LINC00632: variants seen among roughly 807,000 people sequenced by gnomAD.
The protein encoded by LINC00632 is long independently transcribed non-coding RNA 632.
rs1053938846 is a variant in LINC00632, at chrX:140,748,815, C to A, written n.191+14851C>A. 6.8e-5 allele frequency among the ~76,000 whole-genome samples: 7 copies of A among 102,526 alleles called. No homozygotes were observed. The South Asian group carries it at 2.1e-3, about 30-fold the overall frequency. The allele number at this position is 102,526 out of a possible 115,157, so 89.0% of individuals were successfully genotyped here. On this transcript the variant is annotated intron_variant and non_coding_transcript_variant, in intron 3 of 4. Transcript: ENST00000648200. ...ATATTTTATATATGATATATTTTATCTATGATATATTTTATCTATGATATA... is the reference window on the plus strand; with the variant it reads ...ATATTTTATATATGATATATTTTATATATGATATATTTTATCTATGATATA...
chrX:140,781,505 T>C (rs1474160506), exon 5 of LINC00632, among the ~76,000 whole-genome samples: 1 of 111,486 alleles, frequency 9.0e-6, no homozygotes, highest in Admixed American at 9.5e-5. Flanking sequence ...TTTGGGCAAT[T>C]GTCCAAACAA....
At chrX:140,775,949 G>T (rs1051378665) in exon 5 of LINC00632, among the ~76,000 whole-genome samples, 1 of 111,081 alleles carries the variant, frequency 9.0e-6, no homozygotes, top group African/African-American at 3.3e-5. Flanking sequence ...AGTTTAAAAG[G>T]GCTTCTGCAC....
chrX:140,744,824 C>T (rs1271892419), intron 3 of LINC00632, among the ~76,000 whole-genome samples: 1 of 110,323 alleles, frequency 9.1e-6, no homozygotes, highest in Non-Finnish European at 1.9e-5. Context: ...TTTCCACCCC[C>T]GCCCCAACCC....
intron 2 of LINC00632, among the ~76,000 whole-genome samples, chrX:140,723,789 CATACAT>C (rs1930818683): frequency 1.1e-3 from 1 of 876 alleles, no homozygotes; most frequent in African/African-American, 3.6e-3. Flanking sequence ...TCCATACACA[CATACAT>C]ACACACACAC....
At chrX:140,771,960 G>C (rs1041054103) in intron 3 of LINC00632, 1 of 190,249 alleles carries the variant, frequency 5.3e-6, no homozygotes, top group East Asian at 9.4e-5. Context: ...GATTACAGGC[G>C]TGAGCCACCA....
chrX:140,718,142 A>C (rs1930666997), intron 2 of LINC00632, among the ~76,000 whole-genome samples: 1 of 110,661 alleles, frequency 9.0e-6, no homozygotes, highest in Non-Finnish European at 1.9e-5. Context: ...GTCTCAAAGA[A>C]AAAAAAAGAG....
exon 5 of LINC00632, chrX:140,784,380 T>C: frequency 8.3e-7 from 1 of 1,205,261 alleles, no homozygotes; most frequent in Non-Finnish European, 1.1e-6. Context: ...TTCCAGAAAA[T>C]CCACGTCTTC....
At chrX:140,755,035 A>G (rs1275910627) in intron 3 of LINC00632, among the ~76,000 whole-genome samples, 2 of 111,688 alleles carry the variant, frequency 1.8e-5, no homozygotes, top group East Asian at 2.8e-4. Context: ...CCCAACTTCT[A>G]TGGTTGACTA....
At chrX:140,749,082 C>T (rs1320239381) in intron 3 of LINC00632, among the ~76,000 whole-genome samples, 1 of 109,899 alleles carries the variant, frequency 9.1e-6, no homozygotes, top group Non-Finnish European at 1.9e-5. Flanking sequence ...TTCTGATTCT[C>T]AGATAAAATT....
chrX:140,776,476 C>G (rs866227205), exon 5 of LINC00632, among the ~76,000 whole-genome samples: 2 of 113,106 alleles, frequency 1.8e-5, no homozygotes, highest in East Asian at 5.6e-4. Context: ...TGGACCCGCG[C>G]GTCCGGCGCT....
Position 140,765,280 on chromosome X carries a change from G to A in LINC00632, n.192-6798G>A, listed in dbSNP as rs772914671. ...GGGCAGGGACTGAGCCTCAAGTAGC[G>A]CAGCCCAGTGCTTTGTTCACCGAGG... On this transcript the variant is annotated intron_variant and non_coding_transcript_variant, in intron 3 of 4. Transcript: ENST00000648200. Among the ~76,000 whole-genome samples the A allele has an allele frequency of 2.7e-5, 3 of 110,785 alleles. No homozygotes were observed. The South Asian group carries it at 1.2e-3, about 44-fold the overall frequency.
intron 2 of LINC00632, among the ~76,000 whole-genome samples, chrX:140,718,693 G>A (rs1029304349): frequency 9.0e-6 from 1 of 111,642 alleles, no homozygotes; most frequent in East Asian, 2.8e-4. Context: ...TTACAGGCAT[G>A]AGCCACCGCG....
intron 3 of LINC00632, among the ~76,000 whole-genome samples, chrX:140,754,835 T>C (rs1200449620): frequency 4.6e-5 from 4 of 87,397 alleles, no homozygotes; most frequent in Non-Finnish European, 7.4e-5. Context: ...TCTGATAGCA[T>C]AGGCTGTTTT....
At chrX:140,752,534 T>C (rs756104244) in intron 3 of LINC00632, among the ~76,000 whole-genome samples, 2 of 112,157 alleles carry the variant, frequency 1.8e-5, no homozygotes, top group Non-Finnish European at 3.8e-5. Context: ...TATGAGGCTG[T>C]TTTTCACTTT....
At chrX:140,734,269 G>A (rs1044974020) in intron 3 of LINC00632, among the ~76,000 whole-genome samples, 1 of 111,585 alleles carries the variant, frequency 9.0e-6, no homozygotes, top group African/African-American at 3.3e-5. Context: ...CACACATCTT[G>A]AAGTGAACAC....
intron 2 of LINC00632, among the ~76,000 whole-genome samples, chrX:140,728,549 C>CTT (rs1037749731): frequency 1.8e-5 from 2 of 110,675 alleles, no homozygotes; most frequent in African/African-American, 6.6e-5. Flanking sequence ...CCAGGCATGC[C>CTT]TTTTACAATG....
At chrX:140,767,668 TAGTC>T (rs760646133) in intron 3 of LINC00632, among the ~76,000 whole-genome samples, 6 of 111,956 alleles carry the variant, frequency 5.4e-5, no homozygotes, top group East Asian at 5.6e-4. Context: ...TAGTTTGTAT[TAGTC>T]AGAGTTCTCC....
chrX:140,768,969 T>A (rs181068568), intron 3 of LINC00632, among the ~76,000 whole-genome samples: 10 of 107,586 alleles, frequency 9.3e-5, no homozygotes, highest in Middle Eastern at 4.9e-3. Context: ...ATTCCATAGA[T>A]AGAAAGGAAA....
At chrX:140,709,773 C>G in exon 1 of LINC00632, 1 of 339,616 alleles carries the variant, frequency 2.9e-6, no homozygotes. Context: ...CGACAGACAG[C>G]CTCAGAGCTG....
Sources: allele counts gnomAD v4.1 joint callset (sites outside exome capture counted in the v4.1 genomes callset), GRCh38; gene constraint gnomAD v4.1.1; transcripts MANE v1.5; gene names NCBI Gene and HGNC (gene_info 2026-07-23, HGNC 2026-07-21).